The following HELZ variants were observed in gnomAD, a reference collection of about 807,000 sequenced individuals.
HELZ encodes ATP-dependent RNA helicase with zinc finger domain.
HELZ carries 23 observed loss-of-function variants against 218.2 expected under a neutral mutation model. The ratio of observed to expected loss-of-function variants is 0.11; its 90% CI spans 0.08 to 0.15. The LOEUF (loss-of-function observed/expected upper bound fraction) is 0.15, where lower values mean the gene tolerates loss of function less well. HELZ is among the 10% of genes least tolerant of loss of function. The pLI is 1.00. For synonymous variants in HELZ, 814 were observed against 829.4 expected (o/e 0.98, Z 0.32); for missense variants, 1,813 against 2,353.7 (o/e 0.77, Z 4.75).
chr17:67,199,983 C>T (rs577501911), intron 7 of HELZ, among the ~76,000 whole-genome samples: 2 of 152,298 alleles, frequency 1.3e-5, no homozygotes, highest in Admixed American at 1.3e-4. Flanking sequence ...ATATCACCTA[C>T]CTCTCTGTGA....
At chr17:67,145,405 A>G (rs2038463973) in intron 21 of HELZ, among the ~76,000 whole-genome samples, 1 of 152,120 alleles carries the variant, frequency 6.6e-6, no homozygotes, top group Non-Finnish European at 1.5e-5. Context: ...AAAATGATAC[A>G]CCTCATTTGC....
At chr17:67,182,878 T>C (rs1330153273) in intron 12 of HELZ, among the ~76,000 whole-genome samples, 1 of 152,198 alleles carries the variant, frequency 6.6e-6, no homozygotes, top group Non-Finnish European at 1.5e-5. Context: ...TCTTGAAGTA[T>C]ATAGTATAGC....
chr17:67,089,924 T>A (rs2036529354), intron 31 of HELZ, among the ~76,000 whole-genome samples: 1 of 151,956 alleles, frequency 6.6e-6, no homozygotes, highest in African/African-American at 2.4e-5. Flanking sequence ...CTTGCCTTAT[T>A]GCACTGGCTA....
chr17:67,100,440 C>A (rs1394510389), intron 31 of HELZ, among the ~76,000 whole-genome samples: 1 of 152,146 alleles, frequency 6.6e-6, no homozygotes, highest in East Asian at 1.9e-4. Context: ...AAAGCCATTA[C>A]AATATCACAA....
chr17:67,196,757 G>T (rs2040042769), intron 7 of HELZ, among the ~76,000 whole-genome samples: 1 of 152,098 alleles, frequency 6.6e-6, no homozygotes, highest in Non-Finnish European at 1.5e-5. Context: ...TCCTAAAGTT[G>T]ATCCTTCTTC....
At position 67,190,772 on chromosome 17, in the gene HELZ, G is replaced by A. The variant is rs180881331; in HGVS notation, c.558-417C>T. ...GTTGCCCAGGCTGGAGTGCAGTGGC[G>A]TAATCTCGACTCACTGCAACCTCTG... On this transcript the variant is annotated intron_variant, in intron 9 of 32. Coordinates refer to ENST00000358691, the MANE Select transcript of HELZ (RefSeq NM_014877.4). 7.9e-4 allele frequency among the ~76,000 whole-genome samples: 120 copies of A among 152,260 alleles called. 1 individual carries two copies. In the East Asian group the frequency reaches 8.9e-3, roughly 11 times the overall value.
rs140985544 is a variant in HELZ, at chr17:67,157,849, A to G, written c.2177+2412T>C. ...CAATATAAAACAACAATTACCTTCC[A>G]TTTTCCCAGAAAGCAGGAAATACAC... On this transcript the variant is annotated intron_variant, in intron 17 of 32. Transcript: ENST00000358691. 1.4e-3 allele frequency among the ~76,000 whole-genome samples: 209 copies of G among 152,184 alleles called. 2 individuals carry two copies. In the South Asian group the frequency reaches 0.014, roughly 10 times the overall value.
intron 11 of HELZ, among the ~76,000 whole-genome samples, chr17:67,189,128 C>T (rs2039831812): frequency 6.6e-6 from 1 of 152,158 alleles, no homozygotes; most frequent in African/African-American, 2.4e-5. Context: ...TAAACTTTGA[C>T]TACTATAATT....
Position 67,109,316 on chromosome 17 carries a change from G to C in HELZ, c.4289C>G (p.Ala1430Gly), listed in dbSNP as rs763238918. The C allele has an allele frequency of 6.2e-7, 1 of 1,614,048 alleles. No homozygotes were observed. The highest frequency in any genetic ancestry group is 1.3e-5 in the African/African-American group (1 of 74,914). The change falls in exon 29 of 33, where the codon GCT becomes GGT. Residue 1430 changes from alanine (A) to glycine (G), a missense_variant. Around this residue, in one of 4 missense-constraint regions of HELZ, gnomAD observed 938 missense variants for 1,027.5 expected, o/e 0.91. Coordinates refer to ENST00000358691, the MANE Select transcript of HELZ (RefSeq NM_014877.4). Reference protein sequence around the residue: ...SPAYQAGPNNAFFNSAVAHRP... With the variant: ...SPAYQAGPNNGFFNSAVAHRP... Reference sequence around the variant, plus strand: ...ATGAGCAACTGCACTATTAAAAAAAGCATTGTTGGGTCCCGCCTGATATGC... The same window carrying C: ...ATGAGCAACTGCACTATTAAAAAAACCATTGTTGGGTCCCGCCTGATATGC...
At chr17:67,123,633 T>C (rs2037688546) in intron 25 of HELZ, among the ~76,000 whole-genome samples, 1 of 152,242 alleles carries the variant, frequency 6.6e-6, no homozygotes, top group Admixed American at 6.5e-5. Flanking sequence ...TATGATCTGA[T>C]ATTTGTAGGA....
Position 67,109,697 on chromosome 17 carries a change from A to G in HELZ, c.3919-11T>C. On this transcript the variant is annotated splice_polypyrimidine_tract_variant and intron_variant, in intron 28 of 32. Coordinates refer to ENST00000358691, the MANE Select transcript of HELZ (RefSeq NM_014877.4). The stretch of plus-strand genomic sequence containing the variant: ...TGATTCCAAATCAACCTAGAAAAAA[A>G]GAAGAAGCCTTTTTTAACTGCAGAA... The G allele has an allele frequency of 6.3e-7, 1 of 1,589,940 alleles. No individual in the cohort carries two copies.
chr17:67,216,441 T>C (rs1303231429), intron 4 of HELZ, among the ~76,000 whole-genome samples: 3 of 152,210 alleles, frequency 2.0e-5, no homozygotes, highest in African/African-American at 7.2e-5. Context: ...TTGCTTTTGA[T>C]TGGTTCATTT....
At chr17:67,245,338 C>G, upstream of HELZ, 1 of 708,556 alleles carries the variant, frequency 1.4e-6, no homozygotes, top group Non-Finnish European at 1.7e-6. Flanking sequence ...CCGGCGCCCG[C>G]AGCTGGCCCC....
At chr17:67,153,789 A>T (rs2038760805) in intron 17 of HELZ, among the ~76,000 whole-genome samples, 1 of 152,264 alleles carries the variant, frequency 6.6e-6, no homozygotes, top group African/African-American at 2.4e-5. Flanking sequence ...ATATGAATAT[A>T]GGCAATCAAA....
intron 9 of HELZ, among the ~76,000 whole-genome samples, chr17:67,191,011 G>C (rs767061302): frequency 5.4e-4 from 82 of 152,188 alleles, no homozygotes; most frequent in Non-Finnish European, 1.0e-3. Flanking sequence ...CCCAGCCAGA[G>C]TAGGATTTTT....
At chr17:67,168,256 G>C (rs900364850) in intron 13 of HELZ, among the ~76,000 whole-genome samples, 1 of 152,258 alleles carries the variant, frequency 6.6e-6, no homozygotes, top group African/African-American at 2.4e-5. Context: ...TGCGATTACA[G>C]ATGTGAGCCA....
chr17:67,089,694 G>GAGAGAGAGAGAGAGACAGAC (rs776184027), intron 31 of HELZ, among the ~76,000 whole-genome samples: 22 of 100,722 alleles, frequency 2.2e-4, no homozygotes, highest in African/African-American at 8.2e-4. Flanking sequence ...GAGAGAGAGA[G>GAGAGAGAGAGAGAGACAGAC]AGAGAGACAG....
intron 1 of HELZ, chr17:67,244,439 A>C: frequency 1.4e-5 from 3 of 212,658 alleles, no homozygotes; most frequent in Non-Finnish European, 2.4e-5. Flanking sequence ...GGGGAGAGGA[A>C]TCGAAGTTCC....
intron 13 of HELZ, among the ~76,000 whole-genome samples, chr17:67,169,023 T>C (rs764714070): frequency 1.3e-5 from 2 of 151,620 alleles, no homozygotes; most frequent in African/African-American, 4.8e-5. Context: ...ACCCAGGAGG[T>C]GGAGGTTGCA....
Sources: gnomAD v4.1 joint callset for allele counts (sites outside exome capture counted in the v4.1 genomes callset) on GRCh38, gnomAD v4.1.1 for gene constraint, gnomAD v4.1.1 regional missense constraint, MANE v1.5 for transcripts, NCBI Gene and HGNC (gene_info 2026-07-23, HGNC 2026-07-21) for gene names.